The following CYP39A1 variants were observed in gnomAD, a reference collection of about 807,000 sequenced individuals.
The protein encoded by CYP39A1 is cytochrome P450 family 39 subfamily A member 1.
CYP39A1 carries 49 observed loss-of-function variants against 58.1 expected under a neutral mutation model. The observed-to-expected ratio is 0.84, with a 90% CI of 0.67 to 1.07. The LOEUF (loss-of-function observed/expected upper bound fraction) is 1.07, where lower values mean the gene tolerates loss of function less well. Ranked by LOEUF, CYP39A1 falls within the 50% of genes least tolerant of loss-of-function variation. The probability of loss-of-function intolerance (pLI) is 0.00; values close to 1 mark genes in which losing one functional copy is unlikely to be tolerated. For missense variants in CYP39A1, 531 were observed against 539.4 expected, an observed-to-expected ratio of 0.98 and a Z score of 0.16; for synonymous variants, 209 against 187.6, an observed-to-expected ratio of 1.11 and a Z score of -0.93.
chr6:46,571,017 T>C (rs1188550767), intron 10 of CYP39A1, among the ~76,000 whole-genome samples: 1 of 152,208 alleles, frequency 6.6e-6, no homozygotes, highest in African/African-American at 2.4e-5. Context: ...TTAATTTCCA[T>C]ATGTTTGTGA....
chr6:46,611,876 T>TTTTC (rs1774236127), intron 7 of CYP39A1, among the ~76,000 whole-genome samples: 1 of 152,202 alleles, frequency 6.6e-6, no homozygotes, highest in African/African-American at 2.4e-5. Flanking sequence ...TCAGCCTGAC[T>TTTTC]TTAATAGTTT....
intron 10 of CYP39A1, among the ~76,000 whole-genome samples, chr6:46,558,748 AG>A (rs1354791967): frequency 7.9e-5 from 12 of 152,174 alleles, no homozygotes; most frequent in African/African-American, 2.7e-4. Context: ...CTATAATCCC[AG>A]CACTTTGGGA....
At chr6:46,650,135 CACACAT>C (rs1228482913) in intron 1 of CYP39A1, among the ~76,000 whole-genome samples, 3 of 151,636 alleles carry the variant, frequency 2.0e-5, no homozygotes, top group East Asian at 3.9e-4. Flanking sequence ...CACACACACA[CACACAT>C]ACACACATAC....
intron 7 of CYP39A1, among the ~76,000 whole-genome samples, chr6:46,610,724 AAAAATGGAATTCTCATTATATGTACAGT>A (rs1447669529): frequency 5.3e-5 from 8 of 152,154 alleles, no homozygotes; most frequent in Non-Finnish European, 8.8e-5. Context: ...ACACTCCCCC[AAAAATGGAATTCTCATTATATGTACAGT>A]AATCTGAAAA....
At chr6:46,584,543 A>G (rs1772344630) in intron 10 of CYP39A1, among the ~76,000 whole-genome samples, 1 of 152,124 alleles carries the variant, frequency 6.6e-6, no homozygotes, top group Non-Finnish European at 1.5e-5. Flanking sequence ...TAACCATATA[A>G]CCTAAGTCAT....
At chr6:46,554,760 T>C (rs1252147630) in intron 10 of CYP39A1, among the ~76,000 whole-genome samples, 1 of 152,158 alleles carries the variant, frequency 6.6e-6, no homozygotes, top group Non-Finnish European at 1.5e-5. Context: ...AACATTGTCA[T>C]AGACTAAATC....
In CYP39A1 at chr6:46,611,503, A is replaced by G. The variant is rs575071865; in HGVS notation, c.931+13915T>C. Among the ~76,000 whole-genome samples, 8 of 152,330 alleles carry G rather than the reference A, an allele frequency of 5.3e-5. No individual in the cohort carries two copies. The East Asian group carries it at 1.5e-3, about 29-fold the overall frequency. On this transcript the variant is annotated intron_variant, in intron 7 of 11. Transcript: ENST00000275016. ...TATTAAATATCCCAAATCCCATTCTATCATGTCAAAAGAAGTTCAATGCCA... is the reference window on the plus strand; with the variant it reads ...TATTAAATATCCCAAATCCCATTCTGTCATGTCAAAAGAAGTTCAATGCCA...
At chr6:46,581,512 G>T (rs970154438) in intron 10 of CYP39A1, among the ~76,000 whole-genome samples, 1 of 152,044 alleles carries the variant, frequency 6.6e-6, no homozygotes, top group African/African-American at 2.4e-5. Flanking sequence ...CCTGTCCTTT[G>T]CAGCAACATG....
chr6:46,620,271 G>C (rs1050876915), intron 7 of CYP39A1, among the ~76,000 whole-genome samples: 101 of 152,172 alleles, frequency 6.6e-4, no homozygotes, highest in African/African-American at 2.4e-3. Flanking sequence ...AACAAGGTTG[G>C]AACTTCTTCT....
rs1770310957 is a variant in CYP39A1 at position 46,550,126 on chromosome 6, G to A, written c.*240C>T. 2.8e-6 allele frequency: 1 copy of A among 350,970 alleles called. No homozygotes were observed. The highest frequency in any genetic ancestry group is 2.1e-5 in the African/African-American group (1 of 47,408). The allele number at this position is 350,970 out of a possible 1,614,324, so 21.7% of individuals were successfully genotyped here. A position where few individuals can be genotyped will look rare whatever the true frequency, so the allele number is the denominator to read the frequency against. ...TTCTTAAAAAATGTGGAGTTTTTTT[G>A]GATCATTTGATCATTTCCTATAAAC... On this transcript the variant is annotated 3_prime_UTR_variant, in exon 12 of 12. Transcript: ENST00000275016.
intron 10 of CYP39A1, among the ~76,000 whole-genome samples, chr6:46,576,071 G>A (rs1459705534): frequency 6.6e-6 from 1 of 152,182 alleles, no homozygotes; most frequent in African/African-American, 2.4e-5. Flanking sequence ...CATGATGGAA[G>A]GCAAAGGGGG....
chr6:46,556,327 T>A (rs1316640051), intron 10 of CYP39A1, among the ~76,000 whole-genome samples: 1 of 152,064 alleles, frequency 6.6e-6, no homozygotes, highest in Non-Finnish European at 1.5e-5. Context: ...CAGACAGAGA[T>A]CCAAGTTCAG....
At chr6:46,618,021 A>G (rs918788058) in intron 7 of CYP39A1, among the ~76,000 whole-genome samples, 1 of 152,140 alleles carries the variant, frequency 6.6e-6, no homozygotes, top group African/African-American at 2.4e-5. Context: ...AAAAAACAAC[A>G]CTGACTAATA....
intron 10 of CYP39A1, among the ~76,000 whole-genome samples, chr6:46,556,741 A>G (rs1289039849): frequency 6.6e-6 from 1 of 152,168 alleles, no homozygotes; most frequent in Non-Finnish European, 1.5e-5. Context: ...TTGTTTTTCT[A>G]AGCAACTAAC....
At chr6:46,553,512 A>T (rs12208360) in intron 11 of CYP39A1, among the ~76,000 whole-genome samples, 9,429 of 152,286 alleles carry the variant, frequency 0.062, 436 homozygotes, top group Non-Finnish European at 0.095. Context: ...AAGTGCAATG[A>T]AGAGCTCCTA....
intron 7 of CYP39A1, among the ~76,000 whole-genome samples, chr6:46,605,351 G>C (rs1354947347): frequency 6.6e-6 from 1 of 152,150 alleles, no homozygotes; most frequent in Admixed American, 6.5e-5. Context: ...AGAGGGCCCA[G>C]CTTCAATGAT....
chr6:46,582,979 G>T, intron 10 of CYP39A1: 2 of 773,170 alleles, frequency 2.6e-6, no homozygotes, highest in Non-Finnish European at 3.1e-6. Context: ...ATTACTATTA[G>T]ATGGACCTCT....
At chr6:46,644,626 A>G (rs1776543409) in intron 1 of CYP39A1, among the ~76,000 whole-genome samples, 1 of 152,220 alleles carries the variant, frequency 6.6e-6, no homozygotes, top group Non-Finnish European at 1.5e-5. Context: ...CTGGGTTTTT[A>G]TGTAAACATT....
intron 5 of CYP39A1, among the ~76,000 whole-genome samples, chr6:46,634,821 C>G (rs1466215125): frequency 6.6e-6 from 1 of 152,166 alleles, no homozygotes; most frequent in African/African-American, 2.4e-5. Flanking sequence ...AGCACCCAGC[C>G]TTAGCAGGGA....
Sources: gnomAD v4.1 joint callset for allele counts (sites outside exome capture counted in the v4.1 genomes callset) on GRCh38, gnomAD v4.1.1 for gene constraint, MANE v1.5 for transcripts, NCBI Gene and HGNC (gene_info 2026-07-23, HGNC 2026-07-21) for gene names.